LHFPL6: variants seen among roughly 807,000 people sequenced by gnomAD.
LHFPL6 encodes LHFPL tetraspan subfamily member 6 protein.
Under a neutral mutation model 20.6 loss-of-function variants are expected in LHFPL6, and 9 were observed. The observed-to-expected ratio is 0.44, with a 90% CI of 0.26 to 0.76. The LOEUF (loss-of-function observed/expected upper bound fraction) is 0.76, where lower values mean the gene tolerates loss of function less well. LHFPL6 is among the 30% of genes least tolerant of loss of function. The pLI is 0.20. For synonymous variants in LHFPL6, 105 were observed against 98.7 expected (o/e 1.06, Z -0.38); for missense variants, 218 against 253.5 (o/e 0.86, Z 0.95).
chr13:39,430,912 C>A (rs538899145), intron 2 of LHFPL6, among the ~76,000 whole-genome samples: 1 of 152,220 alleles, frequency 6.6e-6, no homozygotes, highest in African/African-American at 2.4e-5. Context: ...AGGTCCCCTT[C>A]CACGCTGTTC....
intron 3 of LHFPL6, among the ~76,000 whole-genome samples, chr13:39,364,059 T>A (rs1869948539): frequency 6.6e-6 from 1 of 152,192 alleles, no homozygotes; most frequent in Non-Finnish European, 1.5e-5. Context: ...CCATCACACA[T>A]GCGATCCATC....
At chr13:39,487,731 G>A (rs1045182306) in intron 2 of LHFPL6, among the ~76,000 whole-genome samples, 13 of 152,114 alleles carry the variant, frequency 8.5e-5, no homozygotes, top group African/African-American at 7.2e-5. Context: ...TCTCTAGGCC[G>A]GGTGCGGTGG....
intron 2 of LHFPL6, among the ~76,000 whole-genome samples, chr13:39,430,514 T>A (rs61495686): frequency 0.18 from 26,661 of 152,176 alleles, 2,727 homozygotes; most frequent in African/African-American, 0.28. Context: ...TCATCTCAGT[T>A]TCTGCTTCCT....
chr13:39,422,453 G>A (rs900372063), intron 2 of LHFPL6, among the ~76,000 whole-genome samples: 4 of 152,006 alleles, frequency 2.6e-5, no homozygotes, highest in African/African-American at 7.2e-5. Context: ...AGGCATGGTG[G>A]CACATGCCTG....
chr13:39,398,861 C>T (rs1037736770), intron 2 of LHFPL6, among the ~76,000 whole-genome samples: 1 of 152,192 alleles, frequency 6.6e-6, no homozygotes, highest in African/African-American at 2.4e-5. Context: ...TTATGAGAAT[C>T]TAATGCCTAA....
intron 2 of LHFPL6, among the ~76,000 whole-genome samples, chr13:39,503,726 C>T (rs1869374603): frequency 6.6e-6 from 1 of 152,174 alleles, no homozygotes; most frequent in African/African-American, 2.4e-5. Flanking sequence ...CACTGATATT[C>T]TCTATCCAAT....
rs540286234 is a variant in LHFPL6, at chr13:39,393,116, A to ATT, written c.386-14591_386-14590insAA. On this transcript the variant is annotated intron_variant, in intron 2 of 3. Coordinates refer to ENST00000379589, the MANE Select transcript of LHFPL6 (RefSeq NM_005780.3). ...GTGCCATTTTACATGAGGGACTTGAACAACTGCAGATTTTGGTATCTAAGA... is the reference window on the plus strand; with the variant it reads ...GTGCCATTTTACATGAGGGACTTGAATTCAACTGCAGATTTTGGTATCTAAGA... 5.1e-4 allele frequency among the ~76,000 whole-genome samples: 77 copies of ATT among 152,338 alleles called. 1 individual carries two copies. In the South Asian group the frequency reaches 0.015, roughly 29 times the overall value.
intron 2 of LHFPL6, among the ~76,000 whole-genome samples, chr13:39,595,791 G>A (rs2138553100): frequency 6.6e-6 from 1 of 152,302 alleles, no homozygotes; most frequent in East Asian, 1.9e-4. Flanking sequence ...AAGACCAGGA[G>A]ATCTTTTCAT....
At chr13:39,515,178 AAG>A (rs1188709749) in intron 2 of LHFPL6, among the ~76,000 whole-genome samples, 2 of 152,196 alleles carry the variant, frequency 1.3e-5, no homozygotes, top group African/African-American at 2.4e-5. Flanking sequence ...TATTTCTGAC[AAG>A]ACACTGTCCC....
intron 2 of LHFPL6, among the ~76,000 whole-genome samples, chr13:39,541,440 A>T (rs1407470863): frequency 1.3e-5 from 2 of 152,218 alleles, no homozygotes; most frequent in Non-Finnish European, 2.9e-5. Context: ...TTGATGATGC[A>T]GCCAGGCACC....
At chr13:39,562,631 T>TATATACACATATATACACAC (rs1275626463) in intron 2 of LHFPL6, among the ~76,000 whole-genome samples, 2 of 31,198 alleles carry the variant, frequency 6.4e-5, no homozygotes, top group Admixed American at 2.9e-4. Flanking sequence ...TATACACACA[T>TATATACACATATATACACAC]ATATATACAC....
intron 2 of LHFPL6, among the ~76,000 whole-genome samples, chr13:39,444,488 T>G (rs1422879606): frequency 6.6e-6 from 1 of 152,134 alleles, no homozygotes; most frequent in Non-Finnish European, 1.5e-5. Context: ...AAGCTAGAAC[T>G]TCAAGGGCAA....
At chr13:39,569,173 GGATGGATGGATGGATGGATT>G (rs1871831058) in intron 2 of LHFPL6, among the ~76,000 whole-genome samples, 1 of 151,738 alleles carries the variant, frequency 6.6e-6, no homozygotes, top group South Asian at 2.1e-4. Flanking sequence ...ATGGATGGAT[GGATGGATGGATGGATGGATT>G]GATGGACAGA....
At chr13:39,364,807 A>C (rs1420968341) in intron 3 of LHFPL6, among the ~76,000 whole-genome samples, 1 of 152,160 alleles carries the variant, frequency 6.6e-6, no homozygotes. Context: ...CCACTTACAC[A>C]CAAAAAATGG....
intron 3 of LHFPL6, among the ~76,000 whole-genome samples, chr13:39,346,106 A>C (rs1869393274): frequency 6.6e-6 from 1 of 152,178 alleles, no homozygotes; most frequent in Non-Finnish European, 1.5e-5. Flanking sequence ...GTGCAATTAA[A>C]CTTTGGATCT....
chr13:39,357,342 A>G (rs115244008), intron 3 of LHFPL6, among the ~76,000 whole-genome samples: 3,634 of 152,282 alleles, frequency 0.024, 55 homozygotes, highest in South Asian at 0.064. Context: ...TCAAAGGAAC[A>G]CACCTCAAAA....
chr13:39,558,564 C>T lies in LHFPL6; in HGVS notation c.385+42268G>A, dbSNP rs557697279. On this transcript the variant is annotated intron_variant, in intron 2 of 3. Transcript: ENST00000379589. ...AACTTGCTTCAAAGTCACTTACTTC[C>T]TCTGCTTACCAGATGACACGATGAT... is the stretch of plus-strand genomic sequence containing the variant. Among the ~76,000 whole-genome samples the T allele has an allele frequency of 4.5e-4, 68 of 152,248 alleles. 1 individual carries two copies. Among genetic ancestry groups the T allele is most frequent in the East Asian group, 3.3e-3 (17 of 5,182 alleles).
intron 3 of LHFPL6, among the ~76,000 whole-genome samples, chr13:39,369,646 C>T (rs1290634331): frequency 1.4e-5 from 2 of 146,696 alleles, no homozygotes; most frequent in African/African-American, 5.1e-5. Flanking sequence ...CTCTCATTCT[C>T]CCTCCTAATT....
At chr13:39,476,601 C>A (rs912321155) in intron 2 of LHFPL6, among the ~76,000 whole-genome samples, 3 of 152,150 alleles carry the variant, frequency 2.0e-5, no homozygotes, top group Admixed American at 6.6e-5. Context: ...GAATTAAGGG[C>A]AAAGTGCATT....
Sources: allele counts gnomAD v4.1 joint callset (sites outside exome capture counted in the v4.1 genomes callset), GRCh38; gene constraint gnomAD v4.1.1; transcripts MANE v1.5; gene names NCBI Gene and HGNC (gene_info 2026-07-23, HGNC 2026-07-21).